Variants in L3MBTL3 observed in about 807,000 individuals in gnomAD.
The protein encoded by L3MBTL3 is L3MBTL histone methyl-lysine binding protein 3, also known as lethal(3)malignant brain tumor-like protein 3.
Under a neutral mutation model 102.3 loss-of-function variants are expected in L3MBTL3, and 27 were observed. The observed-to-expected ratio is 0.26, with a 90% CI of 0.19 to 0.36. The LOEUF (loss-of-function observed/expected upper bound fraction) is 0.36, where lower values mean the gene tolerates loss of function less well. Among genes scored for constraint, L3MBTL3 ranks in the 10% least tolerant of loss-of-function variants. L3MBTL3 has a pLI of 1.00. For synonymous variants in L3MBTL3, 340 were observed against 320.9 expected (o/e 1.06, Z -0.64); for missense variants, 798 against 955.3 (o/e 0.84, Z 2.17).
chr6:130,139,498 G>A (rs1788083672), intron 22 of L3MBTL3, 112 bp from the exon 23 acceptor site: 1 of 965,878 alleles, frequency 1.0e-6, no homozygotes, highest in Non-Finnish European at 1.6e-6. Flanking sequence ...GAACTTCTCT[G>A]TGCTTTTTTA....
intron 14 of L3MBTL3, among the ~76,000 whole-genome samples, chr6:130,079,166 A>C (rs1388362495): frequency 1.3e-5 from 2 of 152,214 alleles, no homozygotes; most frequent in Non-Finnish European, 2.9e-5. Flanking sequence ...ACAGAAGCAC[A>C]GTGTTCACGT....
chr6:130,033,214 G>C (rs79198053), intron 2 of L3MBTL3, among the ~76,000 whole-genome samples: 6,401 of 152,192 alleles, frequency 0.042, 338 homozygotes, highest in African/African-American at 0.13. Flanking sequence ...TGAGTCGGGT[G>C]GGGAGGCTCA....
At chr6:130,132,363 G>T (rs1012668026) in intron 20 of L3MBTL3, among the ~76,000 whole-genome samples, 1 of 152,182 alleles carries the variant, frequency 6.6e-6, no homozygotes, top group Non-Finnish European at 1.5e-5. Context: ...GATTGGAAGG[G>T]TGTGCTGGCC....
At chr6:130,071,255 G>A in intron 13 of L3MBTL3, 128 bp downstream of exon 13, 1 of 812,328 alleles carries the variant, frequency 1.2e-6, no homozygotes, top group Non-Finnish European at 1.9e-6. Context: ...TCCTGTTACA[G>A]ATTTTTAATT....
chr6:130,119,210 A>C (rs1785951468), intron 19 of L3MBTL3, among the ~76,000 whole-genome samples: 1 of 152,134 alleles, frequency 6.6e-6, no homozygotes, highest in Admixed American at 6.5e-5. Context: ...GAAAAGCCAC[A>C]ATAATTGGAA....
intron 22 of L3MBTL3, among the ~76,000 whole-genome samples, chr6:130,135,119 C>T (rs1220246210): frequency 1.4e-5 from 2 of 145,232 alleles, no homozygotes; most frequent in Non-Finnish European, 3.0e-5. Context: ...GCTCTTCTCT[C>T]CTGGGCTAGA....
At chr6:130,098,677 C>G (rs190281454) in intron 18 of L3MBTL3, among the ~76,000 whole-genome samples, 1 of 152,196 alleles carries the variant, frequency 6.6e-6, no homozygotes, top group East Asian at 1.9e-4. Context: ...ATGTTAGGCA[C>G]TTTTCTAGTT....
At chr6:130,088,116 C>G (rs904717341) in intron 16 of L3MBTL3, among the ~76,000 whole-genome samples, 3 of 152,108 alleles carry the variant, frequency 2.0e-5, no homozygotes, top group African/African-American at 7.2e-5. Flanking sequence ...CCTCTTACTT[C>G]TAGCTGGATT....
At chr6:130,128,113 C>A (rs558668807) in intron 20 of L3MBTL3, among the ~76,000 whole-genome samples, 1 of 152,178 alleles carries the variant, frequency 6.6e-6, no homozygotes, top group Non-Finnish European at 1.5e-5. Flanking sequence ...CAATCCCCTA[C>A]TGTTGGGTTA....
intron 20 of L3MBTL3, among the ~76,000 whole-genome samples, chr6:130,124,322 G>A (rs901474200): frequency 2.0e-5 from 3 of 152,116 alleles, no homozygotes; most frequent in African/African-American, 7.2e-5. Flanking sequence ...GCAAAGAATG[G>A]CCCACCACAG....
chr6:130,052,802 G>A, intron 6 of L3MBTL3, 57 bp from the exon 7 acceptor site: 1 of 1,541,554 alleles, frequency 6.5e-7, no homozygotes, highest in Admixed American at 2.0e-5. Context: ...TAATCAACAA[G>A]TAGATGTTTG....
intron 18 of L3MBTL3, among the ~76,000 whole-genome samples, chr6:130,101,330 AT>A (rs1784673277): frequency 1.3e-5 from 2 of 152,326 alleles, no homozygotes; most frequent in South Asian, 4.1e-4. Context: ...GTTTTTAAAC[AT>A]ATTTATTGTG....
chr6:130,025,787 C>T (rs1779303800), intron 2 of L3MBTL3, among the ~76,000 whole-genome samples: 1 of 152,126 alleles, frequency 6.6e-6, no homozygotes, highest in South Asian at 2.1e-4. Flanking sequence ...TTGTGTTCCA[C>T]CAACAGATAC....
chr6:130,060,589 G>A (rs1160645758), intron 10 of L3MBTL3, among the ~76,000 whole-genome samples: 1 of 151,554 alleles, frequency 6.6e-6, no homozygotes, highest in Non-Finnish European at 1.5e-5. Flanking sequence ...TTTAAAAACT[G>A]TGACCACACA....
chr6:130,115,852 A>G (rs959175390), intron 19 of L3MBTL3, among the ~76,000 whole-genome samples: 1 of 152,260 alleles, frequency 6.6e-6, no homozygotes, highest in African/African-American at 2.4e-5. Flanking sequence ...ATTGCAGTAA[A>G]TGGCTTCTTG....
chr6:130,072,402 C>T (rs993001628), intron 13 of L3MBTL3, among the ~76,000 whole-genome samples: 2 of 152,178 alleles, frequency 1.3e-5, no homozygotes, highest in Non-Finnish European at 2.9e-5. Context: ...ATATTGGTGT[C>T]CACAGGGGCT....
chr6:130,109,032 G>T (rs1785180731), intron 19 of L3MBTL3, among the ~76,000 whole-genome samples: 1 of 152,138 alleles, frequency 6.6e-6, no homozygotes, highest in Admixed American at 6.5e-5. Flanking sequence ...CAAAGGACAT[G>T]AACTCATTCT....
intron 9 of L3MBTL3, among the ~76,000 whole-genome samples, chr6:130,058,972 G>C (rs1479430638): frequency 3.3e-5 from 5 of 152,114 alleles, no homozygotes; most frequent in Non-Finnish European, 7.3e-5. Flanking sequence ...GATTACATCT[G>C]CATTAAGAAT....
At chr6:130,086,707 A>G (rs1242764881) in intron 16 of L3MBTL3, among the ~76,000 whole-genome samples, 1 of 152,222 alleles carries the variant, frequency 6.6e-6, no homozygotes, top group Admixed American at 6.5e-5. Flanking sequence ...ATAAAAGTCA[A>G]ATGCCTCTTA....
Sources: allele counts gnomAD v4.1 joint callset (sites outside exome capture counted in the v4.1 genomes callset), GRCh38; gene constraint gnomAD v4.1.1; transcripts MANE v1.5; gene names NCBI Gene and HGNC (gene_info 2026-07-23, HGNC 2026-07-21).